Variants in ARHGAP28 observed in about 807,000 individuals in gnomAD.
The protein encoded by ARHGAP28 is Rho GTPase activating protein 28, also known as rho GTPase-activating protein 28.
In ARHGAP28, 56 loss-of-function variants were observed where a neutral mutation model predicts 90.7. The observed-to-expected ratio is 0.62, with a 90% CI of 0.50 to 0.77. ARHGAP28 has a LOEUF of 0.77. Ranked by LOEUF, ARHGAP28 falls within the 30% of genes least tolerant of loss-of-function variation. ARHGAP28 has a pLI of 0.00. For missense variants in ARHGAP28, 869 were observed against 900.9 expected (o/e 0.96, Z 0.45); for synonymous variants, 308 against 323.3 (o/e 0.95, Z 0.51).
rs1412912944 is a variant in ARHGAP28 at position 6,901,658 on chromosome 18, GTGTC to G, written c.2030+5035_2030+5038del. Among the ~76,000 whole-genome samples the G allele has an allele frequency of 3.9e-5, 6 of 151,918 alleles. No homozygotes were observed. The East Asian group carries it at 1.2e-3, about 29-fold the overall frequency. On this transcript the variant is annotated intron_variant, in intron 16 of 17. Transcript: ENST00000383472. The stretch of plus-strand genomic sequence containing the variant: ...TCCCAATTGAGGAACACTCTACAAA[GTGTC>G]TGAGCAGTACTCCTTGAAACCGTTC...
chr18:6,870,825 A>T, intron 7 of ARHGAP28, 93 bp downstream of exon 7: 3 of 1,331,692 alleles, frequency 2.3e-6, no homozygotes, highest in Non-Finnish European at 3.1e-6. Flanking sequence ...TTTGAGACGG[A>T]GTCTCGCTCT....
At chr18:6,889,841 A>G (rs773437834) in intron 12 of ARHGAP28, 47 bp from the exon 13 acceptor site, 2 of 1,568,396 alleles carry the variant, frequency 1.3e-6, no homozygotes, top group Non-Finnish European at 1.8e-6. Context: ...AATCAGGGGC[A>G]CTTTTGACAG....
chr18:6,759,324 A>C (rs929767851), intron 1 of ARHGAP28, among the ~76,000 whole-genome samples: 2 of 152,188 alleles, frequency 1.3e-5, no homozygotes, highest in African/African-American at 4.8e-5. Flanking sequence ...TGAATAAGGA[A>C]ATTCTGCTTT....
chr18:6,877,990 A>G (rs1166079228), intron 10 of ARHGAP28, among the ~76,000 whole-genome samples: 1 of 151,786 alleles, frequency 6.6e-6, no homozygotes, highest in African/African-American at 2.4e-5. Flanking sequence ...GTGTGTGTGT[A>G]TGTATGTGCC....
At chr18:6,828,276 G>A (rs972221064) in intron 2 of ARHGAP28, among the ~76,000 whole-genome samples, 5 of 152,194 alleles carry the variant, frequency 3.3e-5, no homozygotes, top group Non-Finnish European at 7.3e-5. Flanking sequence ...AGGCAGGGAG[G>A]TTGCAGTGAG....
At chr18:6,837,151 C>A in intron 2 of ARHGAP28, 46 bp from the exon 3 acceptor site, 1 of 1,403,810 alleles carries the variant, frequency 7.1e-7, no homozygotes, top group Non-Finnish European at 9.7e-7. Context: ...GGCATCCAAT[C>A]ATACAGAAAA....
intron 16 of ARHGAP28, among the ~76,000 whole-genome samples, chr18:6,907,390 A>G (rs1220254197): frequency 8.4e-6 from 1 of 119,272 alleles, no homozygotes; most frequent in Middle Eastern, 4.2e-3. Flanking sequence ...ACAGTCAAAA[A>G]CTGGAAAAAA....
intron 1 of ARHGAP28, among the ~76,000 whole-genome samples, chr18:6,742,420 T>A (rs2055987000): frequency 6.6e-6 from 1 of 152,132 alleles, no homozygotes. Flanking sequence ...TCCACCCACC[T>A]CGGCTTTCCA....
chr18:6,759,538 T>C (rs955396738), intron 1 of ARHGAP28, among the ~76,000 whole-genome samples: 1 of 152,216 alleles, frequency 6.6e-6, no homozygotes, highest in Non-Finnish European at 1.5e-5. Context: ...TATTTAGAGC[T>C]TAAGCCCTGC....
At chr18:6,866,128 A>G (rs1226708571) in intron 5 of ARHGAP28, among the ~76,000 whole-genome samples, 2 of 152,140 alleles carry the variant, frequency 1.3e-5, no homozygotes, top group African/African-American at 4.8e-5. Flanking sequence ...GGTAACGTTT[A>G]TTGGCTGCCA....
intron 1 of ARHGAP28, among the ~76,000 whole-genome samples, chr18:6,801,852 C>A (rs1207045030): frequency 6.6e-6 from 1 of 152,050 alleles, no homozygotes; most frequent in African/African-American, 2.4e-5. Flanking sequence ...ATCTATCAAA[C>A]ACTAGATCTT....
chr18:6,757,206 G>A (rs1422420405), intron 1 of ARHGAP28, among the ~76,000 whole-genome samples: 1 of 152,102 alleles, frequency 6.6e-6, no homozygotes, highest in African/African-American at 2.4e-5. Flanking sequence ...AGTATTTTTT[G>A]GAAACATGGA....
intron 1 of ARHGAP28, among the ~76,000 whole-genome samples, chr18:6,781,594 T>A (rs1455744741): frequency 6.6e-6 from 1 of 152,276 alleles, no homozygotes; most frequent in South Asian, 2.1e-4. Context: ...CTGAGGCTGC[T>A]TCCTTAATCA....
intron 1 of ARHGAP28, among the ~76,000 whole-genome samples, chr18:6,824,270 G>A (rs1220728120): frequency 6.6e-6 from 1 of 152,104 alleles, no homozygotes; most frequent in African/African-American, 2.4e-5. Context: ...CAGGTGTGGT[G>A]GCTCACACCT....
At chr18:6,894,566 C>T (rs941788634) in intron 14 of ARHGAP28, among the ~76,000 whole-genome samples, 2 of 152,206 alleles carry the variant, frequency 1.3e-5, no homozygotes, top group African/African-American at 2.4e-5. Context: ...TCAGCAGTCT[C>T]ATATTGGTGA....
intron 3 of ARHGAP28, among the ~76,000 whole-genome samples, chr18:6,839,588 C>CAG (rs1567965553): frequency 6.6e-6 from 1 of 152,150 alleles, no homozygotes; most frequent in Non-Finnish European, 1.5e-5. Flanking sequence ...TGAGCCACTG[C>CAG]GCCCGGCCAT....
intron 3 of ARHGAP28, among the ~76,000 whole-genome samples, chr18:6,846,666 C>G (rs1268610670): frequency 6.6e-6 from 1 of 152,204 alleles, no homozygotes; most frequent in Non-Finnish European, 1.5e-5. Flanking sequence ...TGTCCCCATT[C>G]CCCTTACTGC....
At chr18:6,884,997 TA>T (rs2057209327) in intron 11 of ARHGAP28, among the ~76,000 whole-genome samples, 1 of 152,242 alleles carries the variant, frequency 6.6e-6, no homozygotes, top group Non-Finnish European at 1.5e-5. Context: ...AATACTTCAC[TA>T]AAGACCTAAT....
chr18:6,864,947 A>T (rs552223626), intron 5 of ARHGAP28, among the ~76,000 whole-genome samples: 1 of 152,304 alleles, frequency 6.6e-6, no homozygotes, highest in East Asian at 1.9e-4. Context: ...AATTGAGTGG[A>T]AAAGTACAGC....
Sources: allele counts gnomAD v4.1 joint callset (sites outside exome capture counted in the v4.1 genomes callset), GRCh38; gene constraint gnomAD v4.1.1; transcripts MANE v1.5; gene names NCBI Gene and HGNC (gene_info 2026-07-23, HGNC 2026-07-21).